Variants in ADCY3 observed in about 807,000 individuals in gnomAD.
ADCY3 encodes adenylate cyclase 3.
In ADCY3, 70 loss-of-function variants were observed where a neutral mutation model predicts 119.4. The observed-to-expected ratio is 0.59, with a 90% CI of 0.48 to 0.72. ADCY3 has a LOEUF of 0.72. Ranked by LOEUF, ADCY3 falls within the 30% of genes least tolerant of loss-of-function variation. The pLI is 0.00. For synonymous variants in ADCY3, 672 were observed against 621.4 expected, an observed-to-expected ratio of 1.08 and a Z score of -1.21; for missense variants, 1,238 against 1,541.6, an observed-to-expected ratio of 0.80 and a Z score of 3.30.
intron 3 of ADCY3, among the ~76,000 whole-genome samples, chr2:24,855,197 C>T (rs547294523): frequency 6.6e-6 from 1 of 150,796 alleles, no homozygotes; most frequent in Admixed American, 6.6e-5. Flanking sequence ...AGGTCCCCCC[C>T]ACCCCCTTCT....
At chr2:24,821,094 CTAACACAGCTGG>C in intron 20 of ADCY3, 1 of 522,906 alleles carries the variant, frequency 1.9e-6, no homozygotes, top group Non-Finnish European at 3.3e-6. Flanking sequence ...TGGCCAGCTT[CTAACACAGCTGG>C]TATTTCAAGT....
At chr2:24,865,155 T>C (rs993641802) in intron 3 of ADCY3, among the ~76,000 whole-genome samples, 1 of 152,138 alleles carries the variant, frequency 6.6e-6, no homozygotes, top group African/African-American at 2.4e-5. Context: ...TAGAATGCTC[T>C]CTAAGATAGT....
At position 24,827,546 on chromosome 2, in the gene ADCY3, C is replaced by G. The variant is rs1299039987; in HGVS notation, c.2495G>C (p.Arg832Thr). 2 of 1,583,928 alleles carry G rather than the reference C, an allele frequency of 1.3e-6. No individual in the cohort carries two copies. The highest frequency in any genetic ancestry group is 2.7e-5 in the African/African-American group (2 of 74,288). Residue 832 changes from arginine to threonine, a missense_variant and splice_region_variant, in exon 15 of 22, where the codon AGG becomes ACG. Transcript: ENST00000679454. ...CAGGAGGGGAAGCCGTGGCCCTTAC[C>G]TGTCAGTGCCATTGAGCCCAGGGTT... ...GFNPGLNGTD[R>T]LPLVPSKYSM...
chr2:24,918,901 G>T lies in ADCY3; in HGVS notation c.87C>A (p.Asp29Glu). Residue 29 changes from aspartate to glutamate, a missense_variant, in exon 2 of 22, where the codon GAC (aspartate) becomes GAA (glutamate). This residue lies in a region of ADCY3 where 227 missense variants were observed against 249.3 expected (regional missense o/e 0.91). Coordinates refer to ENST00000679454, the MANE Select transcript of ADCY3 (RefSeq NM_004036.5). The surrounding 1 kb of genome is among the most constrained non-coding windows in gnomAD (Gnocchi z 5.4). The stretch of plus-strand genomic sequence containing the variant: ...TTTCATGGGTCCGGCCCACCCCGCG[G>T]TCAGGGTCGGAGGGCAGGCTGACGG... ...EYSVSLPSDP[D>E]RGVGRTHEIS... The T allele has an allele frequency of 6.2e-7, 1 of 1,612,892 alleles. No homozygotes were observed. Among genetic ancestry groups the T allele is most frequent in the Non-Finnish European group, 8.5e-7 (1 of 1,180,018 alleles).
chr2:24,909,749 G>A (rs781450758), intron 2 of ADCY3, among the ~76,000 whole-genome samples: 1 of 152,060 alleles, frequency 6.6e-6, no homozygotes, highest in Non-Finnish European at 1.5e-5. Flanking sequence ...AATTAGTTCC[G>A]TCTCCCCAGC....
chr2:24,819,749 GCA>G lies in ADCY3; in HGVS notation c.*181_*182del. Reference sequence around the variant, plus strand: ...GACCCCTATGCTGGGGACACTACAGGCACACACAGGAATAGCAGGGCCACCCT... The same window carrying G: ...GACCCCTATGCTGGGGACACTACAGGCACACAGGAATAGCAGGGCCACCCT... On this transcript the variant is annotated 3_prime_UTR_variant, in exon 22 of 22. Transcript: ENST00000679454. 1 of 637,386 alleles carries G rather than the reference GCA, an allele frequency of 1.6e-6. No homozygotes were observed. Among genetic ancestry groups the G allele is most frequent in the Non-Finnish European group, 2.7e-6 (1 of 367,154 alleles). 39.5% of individuals were successfully genotyped at this position (637,386 alleles called of 1,614,324 possible). A position where few individuals can be genotyped will look rare whatever the true frequency, so the allele number is the denominator to read the frequency against.
intron 21 of ADCY3, 25 bp from the exon 22 acceptor site, chr2:24,820,139 C>T (rs755912147): frequency 1.1e-5 from 12 of 1,104,390 alleles, no homozygotes; most frequent in South Asian, 9.2e-5. Context: ...GGAGCAAGAA[C>T]GTGGCGTTAC....
rs369152255 is a variant in ADCY3 at position 24,830,783 on chromosome 2, G to A, written c.2098C>T (p.Arg700Trp). The change falls in exon 13 of 22, where the codon CGG becomes TGG. Residue 700 changes from arginine (R) to tryptophan (W), a missense_variant. Transcript: ENST00000679454. The part of the protein sequence containing the change: ...KLVAFSTWID[R>W]TRWARNTWAM... ...CAGGTGTTCCTGGCCCAGCGGGTCC[G>A]GTCAATCCAAGTTGAGAAGGCCACA... 10 of 1,614,000 alleles carry A rather than the reference G, an allele frequency of 6.2e-6. No individual in the cohort carries two copies. The highest frequency in any genetic ancestry group is 6.8e-6 in the Non-Finnish European group (8 of 1,179,984).
At chr2:24,832,696 G>A (rs560653085) in intron 11 of ADCY3, among the ~76,000 whole-genome samples, 17 of 152,160 alleles carry the variant, frequency 1.1e-4, no homozygotes, top group Non-Finnish European at 1.2e-4. Flanking sequence ...CTTGAGCTCA[G>A]CAAGTCTCGT....
intron 3 of ADCY3, among the ~76,000 whole-genome samples, chr2:24,852,725 C>T (rs1467340181): frequency 2.0e-5 from 3 of 152,236 alleles, no homozygotes; most frequent in African/African-American, 4.8e-5. Context: ...AGCCGCTGCC[C>T]GAGGACCCGA....
intron 3 of ADCY3, among the ~76,000 whole-genome samples, chr2:24,860,776 A>C (rs77225428): frequency 1.3e-5 from 2 of 152,134 alleles, no homozygotes; most frequent in Admixed American, 1.3e-4. Context: ...GGTCATCTTC[A>C]TAACAGAAGG....
At chr2:24,835,166 C>T (rs111899939) in intron 9 of ADCY3, among the ~76,000 whole-genome samples, 1 of 152,210 alleles carries the variant, frequency 6.6e-6, no homozygotes, top group East Asian at 1.9e-4. Context: ...CCGGGCCCCC[C>T]ACCCAGAGCT....
At chr2:24,880,930 G>A (rs946586923) in intron 2 of ADCY3, among the ~76,000 whole-genome samples, 8 of 151,754 alleles carry the variant, frequency 5.3e-5, no homozygotes, top group Non-Finnish European at 1.0e-4. Context: ...CAGGAGAATC[G>A]CTTGAACCCG....
chr2:24,846,186 G>A (rs763007050), intron 3 of ADCY3, among the ~76,000 whole-genome samples: 8 of 152,214 alleles, frequency 5.3e-5, no homozygotes, highest in Non-Finnish European at 1.0e-4. Context: ...CTGCCTAGTG[G>A]AGCTGTGAGA....
At chr2:24,891,674 G>C (rs1432403427) in intron 2 of ADCY3, among the ~76,000 whole-genome samples, 1 of 152,166 alleles carries the variant, frequency 6.6e-6, no homozygotes, top group African/African-American at 2.4e-5. Flanking sequence ...TGTGAAAAGG[G>C]AAAGATAAAT....
intron 3 of ADCY3, among the ~76,000 whole-genome samples, chr2:24,866,305 T>C (rs1221484967): frequency 6.6e-6 from 1 of 151,952 alleles, no homozygotes. Context: ...ATCCACAATA[T>C]CTAGTATTTA....
chr2:24,907,641 C>G (rs185665219), intron 2 of ADCY3, among the ~76,000 whole-genome samples: 2 of 152,198 alleles, frequency 1.3e-5, no homozygotes, highest in African/African-American at 4.8e-5. Context: ...GGGGATGGGC[C>G]TGCTGAAACG....
intron 2 of ADCY3, among the ~76,000 whole-genome samples, chr2:24,917,011 A>G (rs966591785): frequency 6.6e-6 from 1 of 152,232 alleles, no homozygotes; most frequent in Non-Finnish European, 1.5e-5. Context: ...TAAAATGGGT[A>G]GTCTGGGCTA....
At chr2:24,849,111 A>T (rs1405937546) in intron 3 of ADCY3, among the ~76,000 whole-genome samples, 1 of 152,228 alleles carries the variant, frequency 6.6e-6, no homozygotes, top group Non-Finnish European at 1.5e-5. Context: ...CCTCCCTCCC[A>T]GCCTACATGC....
Sources: gnomAD v4.1 joint callset for allele counts (sites outside exome capture counted in the v4.1 genomes callset) on GRCh38, gnomAD v4.1.1 for gene constraint, gnomAD v4.1.1 regional missense constraint, Gnocchi (gnomAD v3.1) non-coding constraint, MANE v1.5 for transcripts, NCBI Gene and HGNC (gene_info 2026-07-23, HGNC 2026-07-21) for gene names.